PHTF2: variants seen among roughly 807,000 people sequenced by gnomAD.
PHTF2 encodes the protein putative homeodomain transcription factor 2.
PHTF2 carries 60 observed loss-of-function variants against 101.2 expected under a neutral mutation model. The observed-to-expected ratio is 0.59, with a 90% CI of 0.48 to 0.73. The LOEUF (loss-of-function observed/expected upper bound fraction) is 0.73, where lower values mean the gene tolerates loss of function less well. PHTF2 is among the 30% of genes least tolerant of loss of function. PHTF2 has a pLI of 0.00. For missense variants in PHTF2, 747 were observed against 908.7 expected (o/e 0.82, Z 2.29); for synonymous variants, 311 against 307.3 (o/e 1.01, Z -0.13).
At chr7:77,934,761 A>T (rs1804930858) in intron 12 of PHTF2, among the ~76,000 whole-genome samples, 1 of 152,188 alleles carries the variant, frequency 6.6e-6, no homozygotes, top group Non-Finnish European at 1.5e-5. Context: ...CAGCCTGGCA[A>T]CATGGTGAAA....
rs540459042 is a variant in PHTF2 at position 77,830,658 on chromosome 7, G to A, written c.-35-9563G>A. On this transcript the variant is annotated intron_variant, in intron 1 of 19. Transcript: ENST00000416283. ...GATGCTTGCGCTGGGGAGCAGCTGC[G>A]AATACAGATTAACGTTAGCAGAGAG... 2.0e-5 allele frequency among the ~76,000 whole-genome samples: 3 copies of A among 152,284 alleles called. No individual in the cohort carries two copies. The South Asian group carries it at 6.2e-4, about 32-fold the overall frequency.
chr7:77,942,810 A>G (rs769269605), intron 16 of PHTF2, 24 bp downstream of exon 15: 25 of 1,080,450 alleles, frequency 2.3e-5, no homozygotes, highest in Admixed American at 4.3e-5. Context: ...CTCCATGTAG[A>G]AATTAACCAG....
intron 5 of PHTF2, chr7:77,895,254 A>C (rs932773602): frequency 2.5e-6 from 1 of 399,496 alleles, no homozygotes; most frequent in Admixed American, 3.0e-5. Context: ...ATATAGCTAT[A>C]GGAATGAGTA....
intron 9 of PHTF2, among the ~76,000 whole-genome samples, chr7:77,915,473 A>C (rs1471458726): frequency 6.6e-6 from 1 of 151,950 alleles, no homozygotes; most frequent in African/African-American, 2.4e-5. Flanking sequence ...GTCCTCCCAG[A>C]GTGCTAGGAT....
chr7:77,813,861 G>A (rs1793637323), intron 1 of PHTF2, among the ~76,000 whole-genome samples: 1 of 152,138 alleles, frequency 6.6e-6, no homozygotes, highest in South Asian at 2.1e-4. Flanking sequence ...CAGTTTCTAG[G>A]TGGTTTAGAC....
At chr7:77,826,057 A>G (rs1213695852) in intron 1 of PHTF2, among the ~76,000 whole-genome samples, 7 of 152,340 alleles carry the variant, frequency 4.6e-5, no homozygotes, top group South Asian at 2.1e-4. Flanking sequence ...AAAATTGACC[A>G]TATCCTAGTA....
intron 12 of PHTF2, among the ~76,000 whole-genome samples, chr7:77,934,365 T>G (rs1804889802): frequency 6.6e-6 from 1 of 152,232 alleles, no homozygotes; most frequent in African/African-American, 2.4e-5. Context: ...TACTAAAATA[T>G]AAAGCTATAT....
chr7:77,953,307 G>A (rs117198198), intron 18 of PHTF2, among the ~76,000 whole-genome samples: 136 of 152,228 alleles, frequency 8.9e-4, no homozygotes, highest in Middle Eastern at 3.4e-3. Flanking sequence ...ACAGGGCTTG[G>A]CATATGATAG....
At chr7:77,912,565 G>A (rs1048586391) in intron 9 of PHTF2, among the ~76,000 whole-genome samples, 4 of 151,880 alleles carry the variant, frequency 2.6e-5, no homozygotes, top group African/African-American at 9.7e-5. Context: ...ATAACTGATA[G>A]GAAAATAAAT....
chr7:77,876,904 CTT>C (rs1037258902), intron 3 of PHTF2, among the ~76,000 whole-genome samples: 2 of 152,074 alleles, frequency 1.3e-5, no homozygotes, highest in Non-Finnish European at 2.9e-5. Flanking sequence ...TCAGATAACA[CTT>C]ATCAAAAATT....
rs71082798 is a variant in PHTF2 at position 77,947,837 on chromosome 7, C to CTTTTTTTTTTTTTTTTTTTTTTTT, written c.1960-1823_1960-1822insTTTTTTTTTTTTTTTTTTTTTTTT. ...TTATTTTCTTTTTTCTTTTTTCTTT[C>CTTTTTTTTTTTTTTTTTTTTTTTT]TTTTTTTTTTTTTTTTTTGAGACAG... On this transcript the variant is annotated intron_variant, in intron 16 of 19. Coordinates refer to ENST00000416283, the Ensembl canonical transcript of PHTF2. 1.6e-3 allele frequency among the ~76,000 whole-genome samples: 115 copies of CTTTTTTTTTTTTTTTTTTTTTTTT among 73,792 alleles called. 19 individuals carry two copies. Among genetic ancestry groups the CTTTTTTTTTTTTTTTTTTTTTTTT allele is most frequent in the African/African-American group, 2.1e-3 (36 of 17,474 alleles). The allele number at this position is 73,792 out of a possible 152,430, so 48.4% of individuals were successfully genotyped here.
chr7:77,813,066 C>T (rs1413955545), intron 1 of PHTF2, among the ~76,000 whole-genome samples: 1 of 152,178 alleles, frequency 6.6e-6, no homozygotes, highest in Non-Finnish European at 1.5e-5. Context: ...TCTATAGATG[C>T]ATGGTATTTA....
intron 12 of PHTF2, among the ~76,000 whole-genome samples, chr7:77,931,460 T>C (rs1804558155): frequency 6.6e-6 from 1 of 152,348 alleles, no homozygotes; most frequent in South Asian, 2.1e-4. Context: ...TGATGGCTAA[T>C]AAAATATAAG....
intron 3 of PHTF2, among the ~76,000 whole-genome samples, chr7:77,866,911 G>A (rs1222965452): frequency 6.6e-6 from 1 of 152,156 alleles, no homozygotes; most frequent in Non-Finnish European, 1.5e-5. Flanking sequence ...GCTATGATGA[G>A]TAGTAAAAGA....
chr7:77,897,096 A>T (rs1197687259), intron 5 of PHTF2, among the ~76,000 whole-genome samples: 4 of 152,094 alleles, frequency 2.6e-5, no homozygotes, highest in African/African-American at 9.7e-5. Flanking sequence ...ACTGTCTCCT[A>T]GACTTTTAAA....
At chr7:77,928,939 T>C (rs1804310407) in intron 11 of PHTF2, among the ~76,000 whole-genome samples, 170 bp from the exon 11 acceptor site, 1 of 152,252 alleles carries the variant, frequency 6.6e-6, no homozygotes, top group African/African-American at 2.4e-5. Flanking sequence ...GAAGGTATTT[T>C]GTTACTGAAT....
chr7:77,931,730 C>T (rs980746059), intron 12 of PHTF2, among the ~76,000 whole-genome samples: 3 of 152,032 alleles, frequency 2.0e-5, no homozygotes, highest in Non-Finnish European at 4.4e-5. Flanking sequence ...AGAAGATAGG[C>T]ACTATCATTG....
At chr7:77,821,955 G>C (rs1794327949) in intron 1 of PHTF2, among the ~76,000 whole-genome samples, 2 of 152,194 alleles carry the variant, frequency 1.3e-5, no homozygotes, top group African/African-American at 4.8e-5. Flanking sequence ...TTGATTGCAG[G>C]TGGAGAGCTG....
chr7:77,843,841 C>T (rs1436416176), intron 2 of PHTF2, among the ~76,000 whole-genome samples: 1 of 152,010 alleles, frequency 6.6e-6, no homozygotes, highest in Non-Finnish European at 1.5e-5. Flanking sequence ...GTTAAGAAGT[C>T]CTGGATTATA....
Sources: gnomAD v4.1 joint callset for allele counts (sites outside exome capture counted in the v4.1 genomes callset) on GRCh38, gnomAD v4.1.1 for gene constraint, MANE v1.5 for transcripts, NCBI Gene and HGNC (gene_info 2026-07-23, HGNC 2026-07-21) for gene names.